Variants in BICRAL observed in about 807,000 individuals in gnomAD.
BICRAL encodes BRD4-interacting chromatin-remodeling complex-associated protein-like.
BICRAL carries 8 observed loss-of-function variants against 91.8 expected under a neutral mutation model. The ratio of observed to expected loss-of-function variants is 0.09; its 90% CI spans 0.05 to 0.16. BICRAL has a LOEUF of 0.16. BICRAL is among the 10% of genes least tolerant of loss of function. The probability of loss-of-function intolerance (pLI) is 1.00; values close to 1 mark genes in which losing one functional copy is unlikely to be tolerated. For missense variants in BICRAL, 1,038 were observed against 1,310.9 expected (o/e 0.79, Z 3.21); for synonymous variants, 445 against 491.1 (o/e 0.91, Z 1.24).
Position 42,866,964 on chromosome 6 carries a change from G to A in BICRAL, c.*1518G>A, listed in dbSNP as rs1267932663. 4.6e-5 allele frequency: 20 copies of A among 433,812 alleles called. No individual in the cohort carries two copies. Among genetic ancestry groups the A allele is most frequent in the Middle Eastern group, 3.4e-4 (1 of 2,958 alleles). 26.9% of individuals were successfully genotyped at this position (433,812 alleles called of 1,614,324 possible). A position where few individuals can be genotyped will look rare whatever the true frequency, so the allele number is the denominator to read the frequency against. On this transcript the variant is annotated 3_prime_UTR_variant, in exon 13 of 13. Coordinates refer to ENST00000314073, the MANE Select transcript of BICRAL (RefSeq NM_001393499.1). ...TGTATCTGAGCTGCTCGGATCCAGAGGTCATTTTTGTTACAGTGTGTGCAC... is the reference window on the plus strand; with the variant it reads ...TGTATCTGAGCTGCTCGGATCCAGAAGTCATTTTTGTTACAGTGTGTGCAC...
At chr6:42,779,409 A>G (rs1762853663), upstream of BICRAL, among the ~76,000 whole-genome samples, 2 of 152,198 alleles carry the variant, frequency 1.3e-5, no homozygotes, top group South Asian at 4.1e-4. Flanking sequence ...TCCAAAGGCA[A>G]CTTAAAACAT....
intron 2 of BICRAL, among the ~76,000 whole-genome samples, chr6:42,811,503 C>A (rs1188092171): frequency 6.6e-6 from 1 of 152,164 alleles, no homozygotes; most frequent in Non-Finnish European, 1.5e-5. Context: ...CGCCTGTAAT[C>A]CCAGCTACTC....
intron 2 of BICRAL, among the ~76,000 whole-genome samples, chr6:42,812,725 C>T (rs1057177271): frequency 2.0e-5 from 3 of 151,892 alleles, no homozygotes; most frequent in African/African-American, 4.8e-5. Context: ...TAAATGAAAG[C>T]CGGAGAGATT....
chr6:42,763,970 A>G (rs928755113), intron 1 of BICRAL, among the ~76,000 whole-genome samples: 3 of 150,262 alleles, frequency 2.0e-5, no homozygotes, highest in Admixed American at 6.6e-5. Flanking sequence ...GGCTGGGCAC[A>G]GTGGCTCACA....
intron 6 of BICRAL, among the ~76,000 whole-genome samples, chr6:42,833,738 C>T (rs1764564821): frequency 2.0e-5 from 3 of 151,902 alleles, no homozygotes; most frequent in Admixed American, 1.3e-4. Context: ...GTCCAGGATC[C>T]ACCCAGGATC....
intron 2 of BICRAL, among the ~76,000 whole-genome samples, chr6:42,818,996 C>T (rs1166914809): frequency 6.6e-6 from 1 of 152,200 alleles, no homozygotes; most frequent in East Asian, 1.9e-4. Flanking sequence ...CACGACAAAT[C>T]CCACTGTCTA....
intron 12 of BICRAL, among the ~76,000 whole-genome samples, 198 bp downstream of exon 12, chr6:42,862,810 T>C (rs1224528088): frequency 6.6e-6 from 1 of 152,210 alleles, no homozygotes; most frequent in Non-Finnish European, 1.5e-5. Context: ...CCAATGTTTG[T>C]TGGATGGAAT....
Position 42,852,134 on chromosome 6 carries a change from C to T in BICRAL, c.1882C>T (p.Pro628Ser). The T allele has an allele frequency of 6.2e-7, 1 of 1,613,552 alleles. No homozygotes were observed. Reference sequence around the variant, plus strand: ...GAATCAGACTTCCCCCATTTCTGCTCCCAAGACCACAGACGGCCTGAGGCA... The same window carrying T: ...GAATCAGACTTCCCCCATTTCTGCTTCCAAGACCACAGACGGCCTGAGGCA... ...CLNQTSPISA[P>S]KTTDGLRQAQ... The change falls in exon 7 of 13, where the codon CCC becomes TCC. Residue 628 changes from proline (P) to serine (S), a missense_variant. Transcript: ENST00000314073.
At chr6:42,863,078 A>C (rs1367018593) in intron 12 of BICRAL, among the ~76,000 whole-genome samples, 1 of 138,664 alleles carries the variant, frequency 7.2e-6, no homozygotes, top group Non-Finnish European at 1.5e-5. Flanking sequence ...GAGACGGAGT[A>C]TCGCTCTGTC....
chr6:42,844,169 T>C lies in BICRAL; in HGVS notation c.1840-7923T>C, dbSNP rs943895923. ...GACCAAGGAGAGCATATAGATAGAG[T>C]AGAAAACAGCCAGAGGAGAACCCCA... On this transcript the variant is annotated intron_variant, in intron 6 of 12. Coordinates refer to ENST00000314073, the MANE Select transcript of BICRAL (RefSeq NM_001393499.1). 1.1e-4 allele frequency among the ~76,000 whole-genome samples: 17 copies of C among 147,836 alleles called. No individual in the cohort carries two copies. The Middle Eastern group carries it at 0.01, about 90-fold the overall frequency.
In BICRAL at chr6:42,840,104, G is replaced by A. The variant is rs114557618; in HGVS notation, c.1839+9932G>A. Among the ~76,000 whole-genome samples, 1,101 of 152,238 alleles carry A rather than the reference G, an allele frequency of 7.2e-3. 5 individuals are homozygous for A. Among genetic ancestry groups the A allele is most frequent in the African/African-American group, 0.022 (933 of 41,550 alleles). ...ATTTATTTATTAGAGATGGGGTCTC[G>A]CTATGTTGTCCAAGCTGAACTCCTG... is the stretch of plus-strand genomic sequence containing the variant. On this transcript the variant is annotated intron_variant, in intron 6 of 12. Transcript: ENST00000314073.
intron 1 of BICRAL, among the ~76,000 whole-genome samples, chr6:42,782,617 G>A (rs1432313928): frequency 6.6e-6 from 1 of 151,726 alleles, no homozygotes; most frequent in Non-Finnish European, 1.5e-5. Flanking sequence ...GGAGAGCCCG[G>A]GAAGGGGGTG....
intron 6 of BICRAL, among the ~76,000 whole-genome samples, chr6:42,848,116 G>C (rs1765074166): frequency 6.6e-6 from 1 of 151,524 alleles, no homozygotes; most frequent in Non-Finnish European, 1.5e-5. Flanking sequence ...GCGACAGAGT[G>C]AGACTCTGTC....
chr6:42,828,912 G>C lies in BICRAL; in HGVS notation c.579G>C (p.Gly193=), dbSNP rs1764384268. 1 of 1,614,038 alleles carries C rather than the reference G, an allele frequency of 6.2e-7. No individual in the cohort carries two copies. The change falls in exon 6 of 13, where the codon GGG becomes GGC. Residue 193 remains glycine, a synonymous_variant. Coordinates refer to ENST00000314073, the MANE Select transcript of BICRAL (RefSeq NM_001393499.1). The part of the protein sequence containing the change: ...GVQHGFMQHV[G]ISVPSQHLSN... ...AACATGGCTTTATGCAACATGTGGGGATCAGTGTTCCCAGCCAGCATTTGT... is the reference window on the plus strand; with the variant it reads ...AACATGGCTTTATGCAACATGTGGGCATCAGTGTTCCCAGCCAGCATTTGT...
chr6:42,804,179 T>C lies in BICRAL; in HGVS notation c.-101-6127T>C, dbSNP rs139203146. ...CTGGGATTACAGGCATGTGCCGCCA[T>C]GCCCAGCTAATTTTGTATTTTTAGT... On this transcript the variant is annotated intron_variant, in intron 1 of 12. Coordinates refer to ENST00000314073, the MANE Select transcript of BICRAL (RefSeq NM_001393499.1). Among the ~76,000 whole-genome samples, 1,122 of 152,294 alleles carry C rather than the reference T, an allele frequency of 7.4e-3. 9 individuals carry two copies. The highest frequency in any genetic ancestry group is 0.024 in the African/African-American group (994 of 41,562).
intron 9 of BICRAL, among the ~76,000 whole-genome samples, chr6:42,856,366 C>CTTTTT (rs556976712): frequency 1.5e-5 from 1 of 68,104 alleles, no homozygotes; most frequent in Non-Finnish European, 2.6e-5. Context: ...CTTTCTTTTC[C>CTTTTT]TTTTTTTTTT....
chr6:42,829,657 G>A lies in BICRAL; in HGVS notation c.1324G>A (p.Val442Ile). 3 of 1,614,194 alleles carry A rather than the reference G, an allele frequency of 1.9e-6. No individual in the cohort carries two copies. Among genetic ancestry groups the A allele is most frequent in the South Asian group, 2.2e-5 (2 of 91,084 alleles). ...LISGQVASEH[V>I]MLNRNSSNML... ...TTCTGGCCAAGTGGCCTCAGAGCAT[G>A]TCATGTTGAACAGAAACTCTTCCAA... is the stretch of plus-strand genomic sequence containing the variant. Residue 442 changes from valine to isoleucine, a missense_variant, in exon 6 of 13, where the codon GTC becomes ATC. Val to Ile is a conservative substitution (Grantham distance 29, BLOSUM62 3). This residue lies in a region of BICRAL where 532 missense variants were observed against 724.9 expected (regional missense o/e 0.73). Transcript: ENST00000314073.
intron 6 of BICRAL, among the ~76,000 whole-genome samples, chr6:42,847,556 T>C (rs1032277361): frequency 2.0e-5 from 3 of 151,618 alleles, no homozygotes; most frequent in East Asian, 3.9e-4. Context: ...GGTAGGAGGA[T>C]CTCTTGAGCC....
chr6:42,828,446 T>G, intron 5 of BICRAL, 47 bp from the exon 6 acceptor site: 1 of 1,490,872 alleles, frequency 6.7e-7, no homozygotes, highest in African/African-American at 1.4e-5. Context: ...TTATGCATCC[T>G]TTTCAAAGGT....
Sources: allele counts gnomAD v4.1 joint callset (sites outside exome capture counted in the v4.1 genomes callset), GRCh38; gene constraint gnomAD v4.1.1; regional missense constraint gnomAD v4.1.1; transcripts MANE v1.5; gene names NCBI Gene and HGNC (gene_info 2026-07-23, HGNC 2026-07-21).